SNRPN: variants seen among roughly 807,000 people sequenced by gnomAD.
SNRPN encodes small nuclear ribonucleoprotein polypeptide N.
In SNRPN, 7 loss-of-function variants were observed where a neutral mutation model predicts 25.2. The ratio of observed to expected loss-of-function variants is 0.28; its 90% CI spans 0.16 to 0.52. The LOEUF (loss-of-function observed/expected upper bound fraction) is 0.52, where lower values mean the gene tolerates loss of function less well. SNRPN is among the 20% of genes least tolerant of loss of function. The pLI is 0.96. For missense variants in SNRPN, 196 were observed against 322.5 expected, an observed-to-expected ratio of 0.61 and a Z score of 3.00; for synonymous variants, 124 against 110.6, an observed-to-expected ratio of 1.12 and a Z score of -0.76.
chr15:24,856,479 G>A (rs1453241349), upstream of SNRPN: 1 of 152,274 alleles, frequency 6.6e-6, no homozygotes, highest in African/African-American at 2.4e-5. Context: ...TCTTGCGCAA[G>A]CGCAGTTGTA....
chr15:24,974,278 T>C (rs554502365), intron 3 of SNRPN, 33 bp from the exon 4 acceptor site: 120 of 629,240 alleles, frequency 1.9e-4, no homozygotes, highest in Non-Finnish European at 2.9e-4. Context: ...CATGGTAGAT[T>C]GCAGTGCAGC....
chr15:24,851,314 G>A (rs1224161387), intron 2 of SNRPN: 1 of 152,156 alleles, frequency 6.6e-6, no homozygotes, highest in Non-Finnish European at 1.5e-5. Flanking sequence ...CTCAAATGTA[G>A]GAGTTTTGGG....
chr15:24,958,225 A>G (rs1187632348), intron 1 of SNRPN, among the ~76,000 whole-genome samples: 1 of 152,136 alleles, frequency 6.6e-6, no homozygotes, highest in Non-Finnish European at 1.5e-5. Context: ...TTTTGTTTAT[A>G]AGGTGTCAAG....
intron 2 of SNRPN, among the ~76,000 whole-genome samples, chr15:24,837,611 C>T (rs766449086): frequency 1.3e-5 from 2 of 151,940 alleles, no homozygotes; most frequent in Non-Finnish European, 2.9e-5. Flanking sequence ...CTTCGTGATC[C>T]ACCCGCCTCG....
chr15:24,907,744 C>G (rs1395692263), intron 2 of SNRPN, among the ~76,000 whole-genome samples: 1 of 151,938 alleles, frequency 6.6e-6, no homozygotes, highest in East Asian at 2.0e-4. Context: ...CCACGCCTGG[C>G]CAAGACACTA....
At chr15:24,866,353 C>G (rs1407966380) in intron 1 of SNRPN, among the ~76,000 whole-genome samples, 6 of 152,096 alleles carry the variant, frequency 3.9e-5, no homozygotes, top group Non-Finnish European at 8.8e-5. Context: ...TGTATTACCT[C>G]ACATAGTTAT....
chr15:24,946,003 G>T (rs1050698994), intron 3 of SNRPN, among the ~76,000 whole-genome samples: 2 of 152,288 alleles, frequency 1.3e-5, no homozygotes, highest in African/African-American at 4.8e-5. Context: ...CTCAATGTGT[G>T]TGTGTCCTGT....
At chr15:24,879,846 T>C (rs2056407439) in intron 1 of SNRPN, among the ~76,000 whole-genome samples, 1 of 152,208 alleles carries the variant, frequency 6.6e-6, no homozygotes, top group African/African-American at 2.4e-5. Context: ...TTATATACTC[T>C]CTAGCCTTCC....
At chr15:24,902,579 G>C (rs1451119025) in intron 2 of SNRPN, among the ~76,000 whole-genome samples, 1 of 152,110 alleles carries the variant, frequency 6.6e-6, no homozygotes, top group Admixed American at 6.6e-5. Context: ...AGTTCTTAAA[G>C]ATGGTGTGTC....
At chr15:24,859,082 T>TAGTTCAG (rs2053736979) in intron 1 of SNRPN, among the ~76,000 whole-genome samples, 1 of 152,062 alleles carries the variant, frequency 6.6e-6, no homozygotes, top group South Asian at 2.1e-4. Context: ...CAACCAGGAT[T>TAGTTCAG]AGTTCAGACT....
chr15:24,827,895 A>C (rs2141171720), intron 1 of SNRPN, among the ~76,000 whole-genome samples: 1 of 151,954 alleles, frequency 6.6e-6, no homozygotes, highest in South Asian at 2.1e-4. Context: ...CTGAAATACT[A>C]ATGACATTAT....
chr15:24,940,166 T>C (rs2061468087), intron 3 of SNRPN, among the ~76,000 whole-genome samples: 1 of 152,212 alleles, frequency 6.6e-6, no homozygotes, highest in African/African-American at 2.4e-5. Context: ...CCATTCTGTG[T>C]GTTGCCTTTT....
intron 1 of SNRPN, among the ~76,000 whole-genome samples, chr15:24,956,357 G>GGGGC (rs1555404331): frequency 1.3e-5 from 2 of 151,704 alleles, no homozygotes; most frequent in South Asian, 2.1e-4. Context: ...GCTTCAGCGG[G>GGGGC]GGGGTGGCCG....
intron 1 of SNRPN, among the ~76,000 whole-genome samples, chr15:24,955,832 CGGCGGTGGGCATGGCATGGA>C (rs1326520698): frequency 5.8e-4 from 88 of 150,920 alleles, no homozygotes; most frequent in African/African-American, 1.5e-3. Context: ...GTAGGCATGG[CGGCGGTGGGCATGGCATGGA>C]GGCGGTGGGC....
chr15:24,863,451 ACAGATTTGCACGC>A (rs2054207059), intron 1 of SNRPN, among the ~76,000 whole-genome samples: 1 of 149,312 alleles, frequency 6.7e-6, no homozygotes, highest in Non-Finnish European at 1.5e-5. Context: ...CCATGGACAT[ACAGATTTGCACGC>A]ATCTGTGTCT....
At chr15:24,931,838 C>CAAAAAAAAAA (rs71127026) in intron 3 of SNRPN, among the ~76,000 whole-genome samples, 3 of 42,990 alleles carry the variant, frequency 7.0e-5, no homozygotes, top group African/African-American at 2.4e-4. Flanking sequence ...GAACCTGTCT[C>CAAAAAAAAAA]AAAAAAAAAA....
At chr15:24,941,585 T>A (rs971004044) in intron 3 of SNRPN, among the ~76,000 whole-genome samples, 36 of 152,268 alleles carry the variant, frequency 2.4e-4, no homozygotes, top group African/African-American at 8.2e-4. Flanking sequence ...GCTTGGTTAA[T>A]CCTGAAATAC....
intron 2 of SNRPN, chr15:24,910,729 G>C (rs889730910): frequency 2.2e-5 from 5 of 230,208 alleles, no homozygotes; most frequent in Non-Finnish European, 4.1e-5. Context: ...TCCTGACTTC[G>C]TGTTCCACCC....
intron 2 of SNRPN, chr15:24,909,526 A>C: frequency 6.7e-7 from 1 of 1,486,518 alleles, no homozygotes; most frequent in Non-Finnish European, 9.3e-7. Context: ...GGCCAGTACA[A>C]TATGCTGCAG....
Sources: allele counts gnomAD v4.1 joint callset (sites outside exome capture counted in the v4.1 genomes callset), GRCh38; gene constraint gnomAD v4.1.1; transcripts MANE v1.5; gene names NCBI Gene and HGNC (gene_info 2026-07-23, HGNC 2026-07-21).